Variants in ROBO1 observed in about 807,000 individuals in gnomAD.
ROBO1 encodes roundabout guidance receptor 1, also known as roundabout homolog 1.
A neutral mutation model predicts 195.9 loss-of-function variants in ROBO1; 149 were observed. The observed-to-expected ratio is 0.76, with a 90% CI of 0.67 to 0.87. ROBO1 has a LOEUF of 0.87. ROBO1 is among the 40% of genes least tolerant of loss of function. The pLI, the probability that ROBO1 is intolerant of heterozygous loss-of-function variation, is 0.00. For synonymous variants in ROBO1, 816 were observed against 733.2 expected (o/e 1.11, Z -1.82); for missense variants, 1,933 against 2,068.3 (o/e 0.93, Z 1.27).
At chr3:79,084,122 T>G (rs2079324110) in intron 3 of ROBO1, among the ~76,000 whole-genome samples, 1 of 152,190 alleles carries the variant, frequency 6.6e-6, no homozygotes, top group African/African-American at 2.4e-5. Flanking sequence ...GTTGCTAGAT[T>G]TGAATTCTGA....
intron 2 of ROBO1, among the ~76,000 whole-genome samples, chr3:79,402,497 TAATAATTACAGC>T (rs1383105751): frequency 6.6e-6 from 1 of 151,928 alleles, no homozygotes; most frequent in Non-Finnish European, 1.5e-5. Context: ...AAGGAAAACT[TAATAATTACAGC>T]ACTAATAATA....
chr3:78,834,878 T>C (rs2032565218), intron 4 of ROBO1, among the ~76,000 whole-genome samples: 1 of 152,146 alleles, frequency 6.6e-6, no homozygotes. Flanking sequence ...GAAATTTCTT[T>C]CTTCCATACT....
At chr3:79,607,335 A>G (rs1456150461) in intron 1 of ROBO1, among the ~76,000 whole-genome samples, 1 of 151,330 alleles carries the variant, frequency 6.6e-6, no homozygotes. Context: ...TGAAAATTAA[A>G]CATTTCTAAA....
intron 4 of ROBO1, among the ~76,000 whole-genome samples, chr3:78,839,396 G>T (rs1168786318): frequency 6.6e-6 from 1 of 151,184 alleles, no homozygotes; most frequent in Non-Finnish European, 1.5e-5. Context: ...TTTTGGGTTT[G>T]TACTGAATAT....
chr3:78,896,892 C>T lies in ROBO1; in HGVS notation c.499+41709G>A, dbSNP rs547881451. Among the ~76,000 whole-genome samples the T allele has an allele frequency of 4.9e-4, 75 of 152,232 alleles. 2 individuals are homozygous for T. Among genetic ancestry groups the T allele is most frequent in the Admixed American group, 2.4e-3 (36 of 15,296 alleles). ...TGGGCTCTAAAGTATCTGCTGCATA[C>T]ACCACTAATCCTAACAATGAACACA... On this transcript the variant is annotated intron_variant, in intron 4 of 30. Transcript: ENST00000464233.
chr3:79,079,924 T>G (rs1212919199), intron 3 of ROBO1, among the ~76,000 whole-genome samples: 20 of 151,736 alleles, frequency 1.3e-4, no homozygotes, highest in Admixed American at 1.3e-3. Flanking sequence ...AAATGAACAC[T>G]TGAAAAATGT....
At position 79,587,428 on chromosome 3, in the gene ROBO1, C is replaced by T. The variant is rs935387832; in HGVS notation, c.88+2396G>A. Among the ~76,000 whole-genome samples, 38 of 151,730 alleles carry T rather than the reference C, an allele frequency of 2.5e-4. 1 individual carries two copies. The highest frequency in any genetic ancestry group is 9.2e-4 in the African/African-American group (38 of 41,388). ...TGAGAAGTCTTGTTCCTGTAGACAC[C>T]TTGGCTGATGATAACTCACTGAGTC... On this transcript the variant is annotated intron_variant, in intron 2 of 30. Transcript: ENST00000464233.
intron 1 of ROBO1, among the ~76,000 whole-genome samples, chr3:79,757,701 T>C (rs1228283336): frequency 6.6e-6 from 1 of 151,970 alleles, no homozygotes; most frequent in East Asian, 1.9e-4. Flanking sequence ...ATAATAATAA[T>C]AGTCACCCTA....
intron 2 of ROBO1, among the ~76,000 whole-genome samples, chr3:79,505,139 G>T (rs944214451): frequency 1.5e-4 from 23 of 152,138 alleles, no homozygotes; most frequent in African/African-American, 5.3e-4. Flanking sequence ...TGAATTTGCC[G>T]CATTGGAAGA....
intron 2 of ROBO1, among the ~76,000 whole-genome samples, chr3:79,301,248 A>C (rs959824704): frequency 6.6e-6 from 1 of 152,190 alleles, no homozygotes; most frequent in Admixed American, 6.5e-5. Flanking sequence ...GAACATCAGA[A>C]AGAACAAACT....
intron 5 of ROBO1, among the ~76,000 whole-genome samples, chr3:78,719,273 T>C (rs910562547): frequency 5.3e-5 from 8 of 152,182 alleles, no homozygotes; most frequent in African/African-American, 1.7e-4. Context: ...TAAACTACTA[T>C]TGTTAGTCTG....
At chr3:79,649,115 C>T (rs1389936476) in intron 1 of ROBO1, among the ~76,000 whole-genome samples, 3 of 152,112 alleles carry the variant, frequency 2.0e-5, no homozygotes, top group African/African-American at 4.8e-5. Flanking sequence ...GTTAGGATCT[C>T]TTTGGGTGTG....
chr3:79,035,503 C>T (rs946334119), intron 3 of ROBO1, among the ~76,000 whole-genome samples: 1 of 152,004 alleles, frequency 6.6e-6, no homozygotes, highest in South Asian at 2.1e-4. Flanking sequence ...GAGGATCACT[C>T]GAGGCCAGGA....
At chr3:79,064,544 T>A (rs1559633377) in intron 3 of ROBO1, among the ~76,000 whole-genome samples, 1 of 151,990 alleles carries the variant, frequency 6.6e-6, no homozygotes, top group East Asian at 1.9e-4. Flanking sequence ...ATTTTTTAAA[T>A]GGCAATGGGG....
In ROBO1 at chr3:79,721,596, C is replaced by A. The variant is rs116196630; in HGVS notation, c.-51+46156G>T. ...CACTTTCAAATTTTACTAAAACAGA[C>A]CTTTGAAAATATCAAATGATAGTGT... is the stretch of plus-strand genomic sequence containing the variant. On this transcript the variant is annotated intron_variant, in intron 1 of 30. Transcript: ENST00000464233. 4.7e-3 allele frequency among the ~76,000 whole-genome samples: 711 copies of A among 152,246 alleles called. 9 individuals carry two copies. Among genetic ancestry groups the A allele is most frequent in the African/African-American group, 0.015 (615 of 41,538 alleles).
At chr3:78,985,860 C>T (rs889722263) in intron 3 of ROBO1, among the ~76,000 whole-genome samples, 1 of 152,080 alleles carries the variant, frequency 6.6e-6, no homozygotes, top group Non-Finnish European at 1.5e-5. Flanking sequence ...GCTAAAGTAT[C>T]ATGGAAATTC....
intron 2 of ROBO1, among the ~76,000 whole-genome samples, chr3:79,404,631 G>C (rs377241906): frequency 6.6e-6 from 1 of 152,106 alleles, no homozygotes; most frequent in East Asian, 1.9e-4. Flanking sequence ...CTCATGTTCT[G>C]CCATCAGTTA....
chr3:79,221,754 G>C, intron 2 of ROBO1, among the ~76,000 whole-genome samples: 1 of 152,016 alleles, frequency 6.6e-6, no homozygotes, highest in East Asian at 1.9e-4. Context: ...CCAAGCCGGT[G>C]TAATAAACTA....
chr3:79,279,301 A>G (rs1177263719), intron 2 of ROBO1, among the ~76,000 whole-genome samples: 1 of 151,866 alleles, frequency 6.6e-6, no homozygotes, highest in African/African-American at 2.4e-5. Flanking sequence ...AAACAAAAAC[A>G]ACAACAAAAC....
Sources: gnomAD v4.1 joint callset for allele counts (sites outside exome capture counted in the v4.1 genomes callset) on GRCh38, gnomAD v4.1.1 for gene constraint, MANE v1.5 for transcripts, NCBI Gene and HGNC (gene_info 2026-07-23, HGNC 2026-07-21) for gene names.